GRM4: variants seen among roughly 807,000 people sequenced by gnomAD.
GRM4 encodes the protein glutamate metabotropic receptor 4.
In GRM4, 28 loss-of-function variants were observed where a neutral mutation model predicts 81.7. That is an observed-to-expected ratio of 0.34 (90% CI 0.25 to 0.47). The LOEUF is 0.47. Among genes scored for constraint, GRM4 ranks in the 20% least tolerant of loss-of-function variants. GRM4 has a pLI of 1.00. For missense variants in GRM4, 948 were observed against 1,290.0 expected (o/e 0.73, Z 4.06); for synonymous variants, 488 against 528.8 (o/e 0.92, Z 1.06).
chr6:34,153,279 C>T lies in GRM4; in HGVS notation c.312+1800G>A, dbSNP rs185659370. On this transcript the variant is annotated intron_variant, in intron 1 of 8. Transcript: ENST00000374177. ...AGGGTACAGACACGCACGCAGGGCC[C>T]AGAGAGGCCAGGGCTGCACAGAGAT... 5.4e-4 allele frequency among the ~76,000 whole-genome samples: 82 copies of T among 152,336 alleles called. No individual in the cohort carries two copies. The East Asian group carries it at 0.015, about 27-fold the overall frequency.
chr6:34,110,707 C>A (rs755821567), intron 2 of GRM4: 2 of 1,523,202 alleles, frequency 1.3e-6, no homozygotes, highest in South Asian at 2.4e-5. Flanking sequence ...TCAGCCTCCC[C>A]GCTGTGCCGG....
At chr6:34,126,929 G>A in intron 2 of GRM4, among the ~76,000 whole-genome samples, 1 of 152,212 alleles carries the variant, frequency 6.6e-6, no homozygotes, top group East Asian at 1.9e-4. Context: ...CCCTAGACAA[G>A]ACACAAGTGA....
chr6:34,133,224 G>C lies in GRM4; in HGVS notation c.273C>G (p.Asn91Lys). ...TGATGTTAGGCAGCAGGTCCGGGTC[G>C]TTGTTGATGCGATCCAGGGCGAACA... ...AMLFALDRIN[N>K]DPDLLPNITL... is the part of the protein sequence containing the mutation. Residue 91 changes from asparagine to lysine, a missense_variant, in exon 2 of 11, where the codon AAC (asparagine) becomes AAG (lysine). Transcript: ENST00000538487. This position sits in a 1 kb window ranked among gnomAD's most constrained non-coding sequence, Gnocchi z 6.5. 1 of 1,614,186 alleles carries C rather than the reference G, an allele frequency of 6.2e-7. No individual in the cohort carries two copies.
intron 3 of GRM4, among the ~76,000 whole-genome samples, chr6:34,081,756 C>T (rs1020999314): frequency 3.3e-5 from 5 of 152,120 alleles, no homozygotes; most frequent in East Asian, 3.9e-4. Context: ...AGGAAGGAAA[C>T]GGTGGGTTCA....
At chr6:34,041,616 A>G (rs1318336465) in intron 6 of GRM4, among the ~76,000 whole-genome samples, 1 of 152,202 alleles carries the variant, frequency 6.6e-6, no homozygotes, top group African/African-American at 2.4e-5. Context: ...CAGAGCTGCC[A>G]TGAGGCTTCC....
intron 2 of GRM4, among the ~76,000 whole-genome samples, chr6:34,131,813 C>T (rs1770245282): frequency 6.6e-6 from 1 of 152,192 alleles, no homozygotes; most frequent in South Asian, 2.1e-4. Context: ...TACTTCCTAG[C>T]CCTGGAGACT....
At chr6:34,044,081 C>T (rs1255036411) in intron 6 of GRM4, among the ~76,000 whole-genome samples, 2 of 151,692 alleles carry the variant, frequency 1.3e-5, no homozygotes, top group African/African-American at 4.9e-5. Flanking sequence ...TACACAGACA[C>T]ACACACACAC....
intron 2 of GRM4, among the ~76,000 whole-genome samples, chr6:34,094,099 G>C (rs887315803): frequency 2.6e-5 from 4 of 152,224 alleles, no homozygotes; most frequent in Non-Finnish European, 4.4e-5. Context: ...GCACTGCTCT[G>C]GGTGGGTCTC....
At chr6:34,087,813 C>CACAG (rs1191647190) in intron 3 of GRM4, among the ~76,000 whole-genome samples, 1 of 149,032 alleles carries the variant, frequency 6.7e-6, no homozygotes, top group Non-Finnish European at 1.5e-5. Flanking sequence ...CACACACACA[C>CACAG]ACACACACAC....
chr6:34,125,101 G>A (rs1769972251), intron 2 of GRM4, among the ~76,000 whole-genome samples: 1 of 152,168 alleles, frequency 6.6e-6, no homozygotes, highest in African/African-American at 2.4e-5. Flanking sequence ...AGCCTCCTGA[G>A]TAGTTGGGAC....
intron 2 of GRM4, among the ~76,000 whole-genome samples, chr6:34,123,255 C>T (rs182368372): frequency 1.4e-4 from 22 of 152,276 alleles, no homozygotes; most frequent in Admixed American, 1.1e-3. Flanking sequence ...GTGTGAAGGG[C>T]CAGAGGACCC....
chr6:34,037,348 A>T (rs975917823), intron 8 of GRM4, among the ~76,000 whole-genome samples: 2 of 152,238 alleles, frequency 1.3e-5, no homozygotes, highest in Admixed American at 1.3e-4. Context: ...ATGTTACAAT[A>T]TTCTGGAAAG....
upstream of GRM4, among the ~76,000 whole-genome samples, chr6:34,148,277 C>G (rs1041103352): frequency 6.6e-6 from 1 of 152,126 alleles, no homozygotes; most frequent in Non-Finnish European, 1.5e-5. Flanking sequence ...GTGGGCCCCC[C>G]TTGCCCAGCT....
intron 3 of GRM4, among the ~76,000 whole-genome samples, chr6:34,072,779 CAGACCCAA>C (rs1767018076): frequency 1.8e-5 from 2 of 109,480 alleles, no homozygotes; most frequent in East Asian, 3.1e-4. Context: ...ACACCACACA[CAGACCCAA>C]ACACATCACC....
intron 2 of GRM4, among the ~76,000 whole-genome samples, chr6:34,126,160 A>T (rs572058351): frequency 5.9e-5 from 9 of 152,166 alleles, no homozygotes; most frequent in Non-Finnish European, 1.2e-4. Context: ...AGTGGTGAAA[A>T]AAGGTAGATT....
At chr6:34,087,499 C>T (rs1767960445) in intron 3 of GRM4, among the ~76,000 whole-genome samples, 1 of 151,998 alleles carries the variant, frequency 6.6e-6, no homozygotes, top group South Asian at 2.1e-4. Flanking sequence ...TCTCCCTCCT[C>T]AGTGACTCAC....
chr6:34,138,504 C>T (rs181040171), intron 1 of GRM4, among the ~76,000 whole-genome samples: 8 of 152,362 alleles, frequency 5.3e-5, no homozygotes, highest in East Asian at 1.9e-4. Flanking sequence ...GGGATGGCAG[C>T]GCCACTGCCC....
At position 34,130,353 on chromosome 6, in the gene GRM4, C is replaced by A. The variant is rs947488027; in HGVS notation, c.519+2625G>T. Among the ~76,000 whole-genome samples, 1 of 152,160 alleles carries A rather than the reference C, an allele frequency of 6.6e-6. No homozygotes were observed. The highest frequency in any genetic ancestry group is 1.5e-5 in the Non-Finnish European group (1 of 68,038). On this transcript the variant is annotated intron_variant, in intron 2 of 10. Transcript: ENST00000538487. The surrounding 1 kb of genome is among the most constrained non-coding windows in gnomAD (Gnocchi z 4.1). ...CTCCACTCCCCAGGTCTCTACCTCC[C>A]GGTCCTGCCTTGCTCTCTGTGCAGC...
Position 34,035,590 on chromosome 6 carries a change from G to T in GRM4, c.2442+78C>A. 1 of 833,072 alleles carries T rather than the reference G, an allele frequency of 1.2e-6. No homozygotes were observed. Among genetic ancestry groups the T allele is most frequent in the East Asian group, 2.7e-5 (1 of 37,484 alleles). 51.6% of individuals were successfully genotyped at this position (833,072 alleles called of 1,614,324 possible). The stretch of plus-strand genomic sequence containing the variant: ...AAGGCATTTCTGGAGCAGGGGGGAG[G>T]CCAGCCAGCCTCAGGAGGCTGCCCC... On this transcript the variant is annotated intron_variant, in intron 9 of 10. Transcript: ENST00000538487. This position sits in a 1 kb window ranked among gnomAD's most constrained non-coding sequence, Gnocchi z 6.6.
Sources: gnomAD v4.1 joint callset for allele counts (sites outside exome capture counted in the v4.1 genomes callset) on GRCh38, gnomAD v4.1.1 for gene constraint, Gnocchi (gnomAD v3.1) non-coding constraint, MANE v1.5 for transcripts, NCBI Gene and HGNC (gene_info 2026-07-23, HGNC 2026-07-21) for gene names.